KAT6B: variants seen among roughly 807,000 people sequenced by gnomAD.
KAT6B encodes histone acetyltransferase KAT6B.
In KAT6B, 10 loss-of-function variants were observed where a neutral mutation model predicts 187.5. The ratio of observed to expected loss-of-function variants is 0.05; its 90% CI spans 0.03 to 0.09. The LOEUF (loss-of-function observed/expected upper bound fraction) is 0.09, where lower values mean the gene tolerates loss of function less well. KAT6B is among the 10% of genes least tolerant of loss of function. The pLI is 1.00. For missense variants in KAT6B, 1,952 were observed against 2,558.9 expected (o/e 0.76, Z 5.12); for synonymous variants, 861 against 926.8 (o/e 0.93, Z 1.29).
intron 3 of KAT6B, among the ~76,000 whole-genome samples, chr10:74,902,035 TC>T (rs1477825309): frequency 6.6e-6 from 1 of 152,084 alleles, no homozygotes; most frequent in Non-Finnish European, 1.5e-5. Context: ...CACCCATCCG[TC>T]CCTGCTTTTC....
chr10:74,990,196 C>CAAA (rs56300641), intron 13 of KAT6B, among the ~76,000 whole-genome samples: 538 of 39,420 alleles, frequency 0.014, 57 homozygotes, highest in East Asian at 0.044. Context: ...GACTCTGTCT[C>CAAA]AAAAAAAAAA....
At chr10:74,928,349 C>G (rs1848641547) in intron 3 of KAT6B, among the ~76,000 whole-genome samples, 1 of 152,174 alleles carries the variant, frequency 6.6e-6, no homozygotes, top group South Asian at 2.1e-4. Context: ...ATTCAGTCCC[C>G]TCTCTCAAGA....
At chr10:74,877,918 C>G (rs1038355628) in intron 3 of KAT6B, among the ~76,000 whole-genome samples, 1 of 150,684 alleles carries the variant, frequency 6.6e-6, no homozygotes, top group African/African-American at 2.4e-5. Context: ...AAGGGAAATA[C>G]CAGATTGTAA....
chr10:74,879,622 T>G (rs1844703508), intron 3 of KAT6B, among the ~76,000 whole-genome samples: 1 of 152,220 alleles, frequency 6.6e-6, no homozygotes, highest in South Asian at 2.1e-4. Context: ...GGATTAATTC[T>G]GTAGTGCTAA....
rs559566114 is a variant in KAT6B, at chr10:74,927,413, G to A, written c.622-32557G>A. ...TGGGGAGCCATCGGCCCAGCAGGAG[G>A]TGCCTCTGCTTGGCCAACCAGAGCC... On this transcript the variant is annotated intron_variant, in intron 3 of 17. Coordinates refer to ENST00000287239, the MANE Select transcript of KAT6B (RefSeq NM_012330.4). 2.8e-4 allele frequency among the ~76,000 whole-genome samples: 42 copies of A among 151,470 alleles called. 1 individual carries two copies. The South Asian group carries it at 6.9e-3, about 25-fold the overall frequency.
intron 3 of KAT6B, among the ~76,000 whole-genome samples, chr10:74,845,362 A>T (rs531530871): frequency 6.6e-6 from 1 of 151,592 alleles, no homozygotes; most frequent in Admixed American, 6.6e-5. Flanking sequence ...TCTACTAAAT[A>T]TACAAAAAAA....
At chr10:74,908,983 A>G (rs373759668) in intron 3 of KAT6B, among the ~76,000 whole-genome samples, 1 of 152,192 alleles carries the variant, frequency 6.6e-6, no homozygotes, top group Non-Finnish European at 1.5e-5. Flanking sequence ...TAGAGTATCC[A>G]CAAGTCTATA....
intron 3 of KAT6B, among the ~76,000 whole-genome samples, chr10:74,878,744 G>A (rs1844622084): frequency 6.6e-6 from 1 of 152,080 alleles, no homozygotes; most frequent in African/African-American, 2.4e-5. Context: ...TTTATGTAGA[G>A]AAGTAACAAG....
At chr10:74,839,527 C>T (rs771760399) in intron 2 of KAT6B, among the ~76,000 whole-genome samples, 7 of 152,160 alleles carry the variant, frequency 4.6e-5, no homozygotes, top group Admixed American at 6.5e-5. Flanking sequence ...CCACCACGCC[C>T]GGCTATGCAT....
intron 3 of KAT6B, among the ~76,000 whole-genome samples, chr10:74,851,234 A>G (rs1198296904): frequency 2.6e-5 from 4 of 151,072 alleles, no homozygotes; most frequent in East Asian, 3.9e-4. Context: ...CAGCCTCCTG[A>G]GTAGTTGGGG....
At chr10:74,931,071 G>C (rs1848836633) in intron 3 of KAT6B, among the ~76,000 whole-genome samples, 1 of 152,226 alleles carries the variant, frequency 6.6e-6, no homozygotes, top group Non-Finnish European at 1.5e-5. Context: ...GAACTCAACA[G>C]ATGGAAGCAG....
At chr10:74,934,401 G>C (rs1465023544) in intron 3 of KAT6B, among the ~76,000 whole-genome samples, 1 of 152,084 alleles carries the variant, frequency 6.6e-6, no homozygotes, top group African/African-American at 2.4e-5. Flanking sequence ...ACTAAACTCA[G>C]CACCTTCTAG....
intron 3 of KAT6B, among the ~76,000 whole-genome samples, chr10:74,863,409 A>C (rs1843329393): frequency 6.6e-6 from 1 of 152,176 alleles, no homozygotes; most frequent in Non-Finnish European, 1.5e-5. Context: ...TGCTATTACA[A>C]ATAATACCGC....
intron 13 of KAT6B, 116 bp from the exon 14 acceptor site, chr10:75,020,466 C>A (rs1845315253): frequency 2.7e-6 from 2 of 748,498 alleles, no homozygotes. Flanking sequence ...AAAGCGAATG[C>A]ACTTCTCTGT....
intron 1 of KAT6B, among the ~76,000 whole-genome samples, chr10:74,830,770 T>TATATGTATATATA (rs60886313): frequency 1.0e-4 from 1 of 9,630 alleles, no homozygotes; most frequent in African/African-American, 3.0e-4. Context: ...ATATATATAT[T>TATATGTATATATA]TTTTTTTTTT....
intron 3 of KAT6B, among the ~76,000 whole-genome samples, chr10:74,896,033 T>C (rs889970802): frequency 2.0e-5 from 3 of 152,184 alleles, no homozygotes; most frequent in African/African-American, 4.8e-5. Flanking sequence ...CTCCTTCTTT[T>C]TCTTTTCCTT....
At chr10:74,847,525 A>G (rs192155623) in intron 3 of KAT6B, among the ~76,000 whole-genome samples, 185 of 152,100 alleles carry the variant, frequency 1.2e-3, no homozygotes, top group African/African-American at 4.2e-3. Context: ...GTAGCCGGGC[A>G]TGGTGGTGCA....
At chr10:74,922,262 A>G (rs1453221940) in intron 3 of KAT6B, among the ~76,000 whole-genome samples, 1 of 152,228 alleles carries the variant, frequency 6.6e-6, no homozygotes, top group Non-Finnish European at 1.5e-5. Context: ...GATTCTTAAT[A>G]TCATTCTCTA....
At position 74,871,407 on chromosome 10, in the gene KAT6B, G is replaced by A. The variant is rs185635575; in HGVS notation, c.621+27929G>A. On this transcript the variant is annotated intron_variant, in intron 3 of 17. Coordinates refer to ENST00000287239, the MANE Select transcript of KAT6B (RefSeq NM_012330.4). Reference sequence around the variant, plus strand: ...GGGGTTTCACCATGTTGGCCAGACTGGTCTCGAACTCCTGACCTCAAGTGA... The same window carrying A: ...GGGGTTTCACCATGTTGGCCAGACTAGTCTCGAACTCCTGACCTCAAGTGA... 4.5e-3 allele frequency among the ~76,000 whole-genome samples: 677 copies of A among 151,990 alleles called. 2 individuals are homozygous for A. The highest frequency in any genetic ancestry group is 7.0e-3 in the Non-Finnish European group (473 of 67,968).
Sources: gnomAD v4.1 joint callset for allele counts (sites outside exome capture counted in the v4.1 genomes callset) on GRCh38, gnomAD v4.1.1 for gene constraint, MANE v1.5 for transcripts, NCBI Gene and HGNC (gene_info 2026-07-23, HGNC 2026-07-21) for gene names.